The following RCBTB2 variants were observed in gnomAD, a reference collection of about 807,000 sequenced individuals.
RCBTB2 encodes the protein RCC1 and BTB domain-containing protein 2.
Under a neutral mutation model 65.4 loss-of-function variants are expected in RCBTB2, and 55 were observed. That is an observed-to-expected ratio of 0.84 (90% CI 0.68 to 1.05). The LOEUF is 1.05. Ranked by LOEUF, RCBTB2 falls within the 50% of genes least tolerant of loss-of-function variation. The pLI is 0.00. For missense variants in RCBTB2, 599 were observed against 680.1 expected (o/e 0.88, Z 1.33); for synonymous variants, 220 against 255.2 (o/e 0.86, Z 1.31).
intron 1 of RCBTB2, among the ~76,000 whole-genome samples, chr13:48,527,356 TATATTTATATATGA>T (rs1566337427): frequency 1.8e-5 from 2 of 109,286 alleles, no homozygotes; most frequent in African/African-American, 1.7e-4. Context: ...ATATATGATA[TATATTTATATATGA>T]TATATATATA....
At chr13:48,521,994 C>G in intron 3 of RCBTB2, 32 bp from the exon 4 acceptor site, 1 of 1,583,990 alleles carries the variant, frequency 6.3e-7, no homozygotes, top group Non-Finnish European at 8.6e-7. Flanking sequence ...AAATCAGGAT[C>G]CCTTATGTTC....
Position 48,521,955 on chromosome 13 carries a change from G to T in RCBTB2, c.-16C>A. The T allele has an allele frequency of 6.2e-7, 1 of 1,613,470 alleles. No individual in the cohort carries two copies. The highest frequency in any genetic ancestry group is 8.5e-7 in the Non-Finnish European group (1 of 1,179,750). ...CTTCTTCCATATGGACTCAGTCCTG[G>T]GCAGTCCCTGAGGAAAAAGTATGTG... On this transcript the variant is annotated 5_prime_UTR_variant, in exon 4 of 15. Transcript: ENST00000344532.
intron 12 of RCBTB2, 26 bp from the exon 13 acceptor site, chr13:48,499,786 G>C (rs764787521): frequency 1.9e-6 from 3 of 1,613,616 alleles, no homozygotes; most frequent in Non-Finnish European, 1.7e-6. Context: ...AGTATGTCAG[G>C]TCCTAGCTTC....
chr13:48,503,227 C>A (rs890554393), intron 10 of RCBTB2, among the ~76,000 whole-genome samples: 7 of 152,118 alleles, frequency 4.6e-5, no homozygotes, highest in African/African-American at 1.7e-4. Context: ...TCAAGTATAA[C>A]CCAAGAGAGT....
At position 48,502,925 on chromosome 13, in the gene RCBTB2, A is replaced by G; in HGVS notation, c.927-11T>C. The G allele has an allele frequency of 1.2e-6, 2 of 1,600,064 alleles. No individual in the cohort carries two copies. Among genetic ancestry groups the G allele is most frequent in the Non-Finnish European group, 1.7e-6 (2 of 1,172,438 alleles). ...GCAATCTCGATAATCCTAAATTCAC[A>G]AACACACACCACATAAGCACAGTGA... On this transcript the variant is annotated splice_polypyrimidine_tract_variant and intron_variant, in intron 10 of 14. Transcript: ENST00000344532.
Position 48,489,765 on chromosome 13 carries a change from G to A in RCBTB2, c.*346C>T. On this transcript the variant is annotated 3_prime_UTR_variant, in exon 15 of 15. Transcript: ENST00000344532. ...GCACTCCTTGTCAAGCTATCTATGTGGTATCAGCCAGCTGAATAATGGAAC... is the reference window on the plus strand; with the variant it reads ...GCACTCCTTGTCAAGCTATCTATGTAGTATCAGCCAGCTGAATAATGGAAC... The A allele has an allele frequency of 3.4e-6, 1 of 295,706 alleles. No homozygotes were observed. The highest frequency in any genetic ancestry group is 3.4e-5 in the South Asian group (1 of 29,220). 18.3% of individuals were successfully genotyped at this position (295,706 alleles called of 1,614,324 possible).
Position 48,515,293 on chromosome 13 carries a change from A to G in RCBTB2, c.261T>C (p.Ile87=). The G allele has an allele frequency of 6.2e-7, 1 of 1,614,152 alleles. No individual in the cohort carries two copies. Residue 87 remains isoleucine (I), a synonymous_variant, in exon 6 of 15, where the codon ATT becomes ATC. Coordinates refer to ENST00000344532, the MANE Select transcript of RCBTB2 (RefSeq NM_001268.4). Reference sequence around the variant, plus strand: ...TTAAAGAATCCAGTCTCCGAGGTTCAATGGTGCTCTGGACGTCACCTAACC... The same window carrying G: ...TTAAAGAATCCAGTCTCCGAGGTTCGATGGTGCTCTGGACGTCACCTAACC... ...CLGLGDVQST[I]EPRRLDSLNG...
rs970474992 is a variant in RCBTB2 at position 48,515,359 on chromosome 13, T to C, written c.199-4A>G. On this transcript the variant is annotated splice_region_variant and splice_polypyrimidine_tract_variant and intron_variant, in intron 5 of 14. Transcript: ENST00000344532. ...AGTTTGTGCCAAGCACAAAAATCTA[T>C]GGGAAAAACCACTGTTAGTTCAAGC... The C allele has an allele frequency of 2.5e-6, 4 of 1,611,322 alleles. No homozygotes were observed. In the African/African-American group the frequency reaches 4.0e-5, roughly 16 times the overall value.
rs1176087096 is a variant in RCBTB2 at position 48,533,018 on chromosome 13, A to C, written c.-219+10T>G. On this transcript the variant is annotated intron_variant, in intron 1 of 14. Coordinates refer to ENST00000344532, the MANE Select transcript of RCBTB2 (RefSeq NM_001268.4). ...CCTCGGCCTCCCACACCACTCCTCC[A>C]CCCTCTTACCTCCTCGCAGGCCGGA... is the stretch of plus-strand genomic sequence containing the variant. 4.4e-6 allele frequency: 2 copies of C among 455,136 alleles called. No homozygotes were observed. The highest frequency in any genetic ancestry group is 8.8e-6 in the Non-Finnish European group (2 of 226,448). 28.2% of individuals were successfully genotyped at this position (455,136 alleles called of 1,614,324 possible). A position where few individuals can be genotyped will look rare whatever the true frequency, so the allele number is the denominator to read the frequency against.
In RCBTB2 at chr13:48,521,963, C is replaced by G; in HGVS notation, c.-23-1G>C. On this transcript the variant is annotated splice_acceptor_variant, in intron 3 of 14. Transcript: ENST00000344532. LOFTEE classifies it low-confidence loss of function (5UTR_SPLICE). ...ATATGGACTCAGTCCTGGGCAGTCC[C>G]TGAGGAAAAAGTATGTGGTAAAATC... 2 of 1,612,158 alleles carry G rather than the reference C, an allele frequency of 1.2e-6. No homozygotes were observed. Among genetic ancestry groups the G allele is most frequent in the Non-Finnish European group, 1.7e-6 (2 of 1,179,298 alleles).
intron 5 of RCBTB2, 107 bp downstream of exon 5, chr13:48,515,478 TC>T (rs1201731038): frequency 4.9e-5 from 67 of 1,374,166 alleles, no homozygotes; most frequent in Non-Finnish European, 2.0e-6. Flanking sequence ...AAACCTAATT[TC>T]CATGCTTTTT....
chr13:48,495,712 C>T (rs1228906847), intron 14 of RCBTB2, among the ~76,000 whole-genome samples: 1 of 152,200 alleles, frequency 6.6e-6, no homozygotes, highest in Non-Finnish European at 1.5e-5. Context: ...TTATTCTGAT[C>T]CTATACATTA....
intron 12 of RCBTB2, 114 bp from the exon 13 acceptor site, chr13:48,499,874 CCTCA>C: frequency 8.3e-7 from 1 of 1,200,812 alleles, no homozygotes; most frequent in Non-Finnish European, 1.2e-6. Flanking sequence ...TGCTGTGGCT[CCTCA>C]CTTTCTTTGC....
intron 13 of RCBTB2, among the ~76,000 whole-genome samples, chr13:48,496,823 G>A (rs1387555010): frequency 7.6e-6 from 1 of 131,208 alleles, no homozygotes; most frequent in Admixed American, 7.4e-5. Context: ...GGGGAGAGGA[G>A]GGGAGGGGAG....
chr13:48,495,781 G>GT (rs1949940435), intron 14 of RCBTB2, among the ~76,000 whole-genome samples: 1 of 152,212 alleles, frequency 6.6e-6, no homozygotes, highest in Non-Finnish European at 1.5e-5. Context: ...TTTCATTTAT[G>GT]TTTTTTGTCT....
chr13:48,532,412 G>A (rs1952186997), intron 1 of RCBTB2: 1 of 152,560 alleles, frequency 6.6e-6, no homozygotes, highest in Non-Finnish European at 1.5e-5. Flanking sequence ...CTGAGTTAGT[G>A]AGCCGGGCCG....
In RCBTB2 at chr13:48,510,740, A is replaced by G; in HGVS notation, c.815T>C (p.Leu272Ser). 6.2e-7 allele frequency: 1 copy of G among 1,614,140 alleles called. No homozygotes were observed. The highest frequency in any genetic ancestry group is 1.3e-5 in the African/African-American group (1 of 75,044). Residue 272 changes from leucine to serine, a missense_variant, in exon 10 of 15, where the codon TTA (leucine) becomes TCA (serine). Leu to Ser is a moderately radical substitution (Grantham distance 145, BLOSUM62 -2). Transcript: ENST00000344532. ...AGCATACACTTGGCCTTCATCTGTT[A>G]ATACTAATGTGTGTGCGTAGCCACA... ...VACGYAHTLV[L>S]TDEGQVYAWG...
At chr13:48,517,386 C>T (rs974444764) in intron 4 of RCBTB2, among the ~76,000 whole-genome samples, 8 of 152,204 alleles carry the variant, frequency 5.3e-5, no homozygotes, top group Admixed American at 3.3e-4. Context: ...CTCCTTCACA[C>T]GGAAGCCATT....
intron 11 of RCBTB2, among the ~76,000 whole-genome samples, chr13:48,502,140 T>G (rs1475240024): frequency 6.6e-6 from 1 of 151,510 alleles, no homozygotes; most frequent in African/African-American, 2.5e-5. Context: ...TTTTAAACAT[T>G]TGAGTAAATA....
Sources: gnomAD v4.1 joint callset for allele counts (sites outside exome capture counted in the v4.1 genomes callset) on GRCh38, gnomAD v4.1.1 for gene constraint, MANE v1.5 for transcripts, NCBI Gene and HGNC (gene_info 2026-07-23, HGNC 2026-07-21) for gene names.